The following TMEM232 variants were observed in gnomAD, a reference collection of about 807,000 sequenced individuals.
TMEM232 encodes the protein transmembrane protein 232.
Under a neutral mutation model 78.8 loss-of-function variants are expected in TMEM232, and 80 were observed. That is an observed-to-expected ratio of 1.01 (90% CI 0.85 to 1.22). TMEM232 has a LOEUF of 1.22. TMEM232 is among the 50% of genes most tolerant of loss of function. The pLI, the probability that TMEM232 is intolerant of heterozygous loss-of-function variation, is 0.00. For missense variants in TMEM232, 881 were observed against 742.2 expected (o/e 1.19, Z -2.17); for synonymous variants, 297 against 254.3 (o/e 1.17, Z -1.60).
chr5:110,540,199 A>C (rs1413009845), intron 11 of TMEM232, among the ~76,000 whole-genome samples: 6 of 152,186 alleles, frequency 3.9e-5, no homozygotes, highest in Non-Finnish European at 5.9e-5. Context: ...AGAAATTAGG[A>C]TCAGAACACA....
intron 2 of TMEM232, among the ~76,000 whole-genome samples, chr5:110,663,020 T>A (rs1790017594): frequency 6.6e-6 from 1 of 152,086 alleles, no homozygotes; most frequent in African/African-American, 2.4e-5. Flanking sequence ...TATATACATA[T>A]CCTCTGACCC....
intron 2 of TMEM232, among the ~76,000 whole-genome samples, chr5:110,733,470 GGTACAT>G (rs1266306222): frequency 6.6e-6 from 1 of 152,058 alleles, no homozygotes; most frequent in African/African-American, 2.4e-5. Context: ...CCATAAATAT[GGTACAT>G]GTACACCATG....
chr5:110,589,708 A>C (rs929356930), intron 10 of TMEM232, among the ~76,000 whole-genome samples: 4 of 152,160 alleles, frequency 2.6e-5, no homozygotes, highest in African/African-American at 9.7e-5. Context: ...TTAATGAGTT[A>C]AATGATGCAT....
At chr5:110,524,607 G>C (rs1257837033) in intron 12 of TMEM232, among the ~76,000 whole-genome samples, 1 of 152,266 alleles carries the variant, frequency 6.6e-6, no homozygotes, top group East Asian at 1.9e-4. Context: ...CGTGAGATGA[G>C]TGTGTATGCT....
chr5:110,409,131 T>A (rs1755899121), intron 2 of TMEM232, among the ~76,000 whole-genome samples: 1 of 152,230 alleles, frequency 6.6e-6, no homozygotes, highest in Non-Finnish European at 1.5e-5. Flanking sequence ...ACTTTGTTGT[T>A]ACTTTGCAAA....
chr5:110,479,884 G>A, intron 12 of TMEM232, among the ~76,000 whole-genome samples: 1 of 151,644 alleles, frequency 6.6e-6, no homozygotes, highest in Non-Finnish European at 1.5e-5. Flanking sequence ...ACATGTTTTT[G>A]GTGTGTATTA....
intron 12 of TMEM232, among the ~76,000 whole-genome samples, chr5:110,479,568 T>G (rs1763637417): frequency 2.0e-5 from 3 of 151,896 alleles, no homozygotes; most frequent in African/African-American, 7.2e-5. Context: ...TTTTATTTGA[T>G]TCTTTGGATC....
intron 1 of TMEM232, among the ~76,000 whole-genome samples, chr5:110,692,666 C>T (rs904765565): frequency 3.3e-5 from 5 of 152,186 alleles, no homozygotes; most frequent in Admixed American, 6.5e-5. Flanking sequence ...TCACACCTGG[C>T]GCAGAGGGTC....
chr5:110,414,433 C>G (rs1756112606), intron 2 of TMEM232, among the ~76,000 whole-genome samples: 1 of 152,108 alleles, frequency 6.6e-6, no homozygotes, highest in South Asian at 2.1e-4. Context: ...ACATATATCT[C>G]TAATTCTATC....
chr5:110,540,837 G>A (rs1581146015), intron 11 of TMEM232, among the ~76,000 whole-genome samples: 1 of 152,176 alleles, frequency 6.6e-6, no homozygotes, highest in East Asian at 1.9e-4. Flanking sequence ...CAATCTGGAA[G>A]AAAAGGGGAC....
upstream of TMEM232, among the ~76,000 whole-genome samples, chr5:110,731,640 A>G (rs560531981): frequency 5.3e-5 from 8 of 152,334 alleles, no homozygotes; most frequent in South Asian, 1.7e-3. Flanking sequence ...GGCCCCTTTC[A>G]GCCATGGCCG....
chr5:110,682,315 T>C lies in TMEM232; in HGVS notation c.-12-14951A>G, dbSNP rs142265103. 7.1e-4 allele frequency among the ~76,000 whole-genome samples: 108 copies of C among 152,238 alleles called. 2 individuals are homozygous for C. Among genetic ancestry groups the C allele is most frequent in the South Asian group, 4.8e-3 (23 of 4,834 alleles). ...AAATAAAACATTAAGTGAATAAAAA[T>C]GATCTGAATGATTGAATTGCTCTCC... On this transcript the variant is annotated intron_variant, in intron 1 of 13. Transcript: ENST00000455884.
intron 12 of TMEM232, among the ~76,000 whole-genome samples, chr5:110,434,177 A>C (rs1459120951): frequency 6.6e-6 from 1 of 151,144 alleles, no homozygotes; most frequent in East Asian, 1.9e-4. Flanking sequence ...AAAAAAAAAA[A>C]CTTGGTTCTT....
intron 12 of TMEM232, among the ~76,000 whole-genome samples, chr5:110,445,720 C>CACTT (rs1237761995): frequency 3.9e-5 from 6 of 152,116 alleles, no homozygotes; most frequent in South Asian, 2.1e-4. Context: ...TGGGAAGAGT[C>CACTT]ACTTACAAGC....
At chr5:110,548,954 A>G (rs1417960693) in intron 11 of TMEM232, among the ~76,000 whole-genome samples, 1 of 151,988 alleles carries the variant, frequency 6.6e-6, no homozygotes, top group African/African-American at 2.4e-5. Context: ...ATCAAACAAT[A>G]TAAATGTAAC....
chr5:110,597,990 A>G (rs1428422999), intron 10 of TMEM232, among the ~76,000 whole-genome samples: 1 of 152,240 alleles, frequency 6.6e-6, no homozygotes, highest in African/African-American at 2.4e-5. Context: ...AAGCAATGGC[A>G]ACAGAAGCCA....
chr5:110,656,339 AC>A (rs1789050674), intron 2 of TMEM232, among the ~76,000 whole-genome samples: 2 of 152,204 alleles, frequency 1.3e-5, no homozygotes, highest in South Asian at 4.1e-4. Context: ...GTACTGAAAG[AC>A]GGAAAAAGGC....
Position 110,618,466 on chromosome 5 carries a change from G to C in TMEM232, c.865C>G (p.Leu289Val). The C allele has an allele frequency of 6.4e-7, 1 of 1,551,484 alleles. No individual in the cohort carries two copies. The highest frequency in any genetic ancestry group is 2.4e-5 in the East Asian group (1 of 40,866). ...TGAAGCTGTGTCTTATGGAAGACGA[G>C]ATGTTCAAGCACGTTATTCAACTGA... is the stretch of plus-strand genomic sequence containing the variant. Reference protein sequence around the residue: ...SPQLNNVLEHLVFHKTQLQKK... With the variant: ...SPQLNNVLEHVVFHKTQLQKK... The change falls in exon 8 of 14, where the codon CTC becomes GTC. Residue 289 changes from leucine to valine, a missense_variant. By Grantham distance (32) the Leu-to-Val change is conservative. Transcript: ENST00000455884.
intron 12 of TMEM232, among the ~76,000 whole-genome samples, chr5:110,490,597 T>C (rs1031207818): frequency 1.3e-5 from 2 of 152,092 alleles, no homozygotes; most frequent in Non-Finnish European, 2.9e-5. Flanking sequence ...GACTCTACAC[T>C]TCTTTAATTT....
Sources: allele counts gnomAD v4.1 joint callset (sites outside exome capture counted in the v4.1 genomes callset), GRCh38; gene constraint gnomAD v4.1.1; transcripts MANE v1.5; gene names NCBI Gene and HGNC (gene_info 2026-07-23, HGNC 2026-07-21).